GIN1: variants seen among roughly 807,000 people sequenced by gnomAD.
The protein encoded by GIN1 is gypsy retrotransposon integrase 1, also known as gypsy retrotransposon integrase-like protein 1.
A neutral mutation model predicts 51.4 loss-of-function variants in GIN1; 41 were observed. The ratio of observed to expected loss-of-function variants is 0.80; its 90% CI spans 0.62 to 1.04. The LOEUF is 1.04. Among genes scored for constraint, GIN1 ranks in the 50% least tolerant of loss-of-function variants. The pLI, the probability that GIN1 is intolerant of heterozygous loss-of-function variation, is 0.00. For synonymous variants in GIN1, 222 were observed against 206.5 expected, an observed-to-expected ratio of 1.07 and a Z score of -0.64; for missense variants, 610 against 612.4, an observed-to-expected ratio of 1.00 and a Z score of 0.04.
At chr5:103,097,845 A>G (rs1041851391) in intron 4 of GIN1, 64 bp from the exon 5 acceptor site, 2 of 692,378 alleles carry the variant, frequency 2.9e-6, no homozygotes, top group African/African-American at 3.7e-5. Flanking sequence ...CATTGACTTA[A>G]AAAAAAGCTT....
chr5:103,108,462 A>G (rs1395587786), intron 2 of GIN1, 107 bp downstream of exon 2: 1 of 712,648 alleles, frequency 1.4e-6, no homozygotes, highest in Admixed American at 2.6e-5. Flanking sequence ...TTCAACTGGT[A>G]ATTGTTTAGC....
rs375473830 is a variant in GIN1, at chr5:103,113,153, T to G, written c.-7-4439A>C. On this transcript the variant is annotated intron_variant, in intron 1 of 7. Transcript: ENST00000399004. ...TCTCTAATATGGTCCCTGTCCTCAC[T>G]GCAGTCACAGAGGTCACACTAAAAC... Among the ~76,000 whole-genome samples the G allele has an allele frequency of 1.7e-3, 253 of 152,312 alleles. 1 individual carries two copies. The highest frequency in any genetic ancestry group is 5.8e-3 in the African/African-American group (242 of 41,564).
Position 103,105,428 on chromosome 5 carries a change from C to T in GIN1, c.334-582G>A, listed in dbSNP as rs543877963. Among the ~76,000 whole-genome samples the T allele has an allele frequency of 2.8e-4, 43 of 152,264 alleles. 1 individual carries two copies. The South Asian group carries it at 8.9e-3, about 32-fold the overall frequency. On this transcript the variant is annotated intron_variant, in intron 3 of 7. Coordinates refer to ENST00000399004, the MANE Select transcript of GIN1 (RefSeq NM_017676.2). ...CCTATTAAATCAGTATGTAAATTTA[C>T]AATAATTTCTATATACATAAAATGT...
chr5:103,116,333 T>C (rs1336138554), intron 1 of GIN1, among the ~76,000 whole-genome samples: 6 of 152,152 alleles, frequency 3.9e-5, no homozygotes, highest in Non-Finnish European at 5.9e-5. Context: ...CACTCAGTTA[T>C]AGTAAACTGA....
At chr5:103,115,024 ATT>A (rs1787992835) in intron 1 of GIN1, among the ~76,000 whole-genome samples, 1 of 152,180 alleles carries the variant, frequency 6.6e-6, no homozygotes, top group Non-Finnish European at 1.5e-5. Flanking sequence ...CAGAAAGTGG[ATT>A]TAGAAACTTG....
At chr5:103,116,667 A>G (rs1046776559) in intron 1 of GIN1, among the ~76,000 whole-genome samples, 3 of 152,246 alleles carry the variant, frequency 2.0e-5, no homozygotes, top group Middle Eastern at 3.4e-3. Flanking sequence ...ACACTGGGAT[A>G]AAATATCTGC....
At chr5:103,096,430 A>T (rs1450909792) in intron 7 of GIN1, 111 bp downstream of exon 7, 4 of 815,588 alleles carry the variant, frequency 4.9e-6, no homozygotes, top group Non-Finnish European at 7.9e-6. Context: ...AACAAATTTT[A>T]TGAAGAAGGG....
In GIN1 at chr5:103,088,104, T is replaced by C. The variant is rs2151458940; in HGVS notation, c.1363A>G (p.Ile455Val). 6.2e-7 allele frequency: 1 copy of C among 1,608,888 alleles called. No homozygotes were observed. The highest frequency in any genetic ancestry group is 8.5e-7 in the Non-Finnish European group (1 of 1,175,632). Reference sequence around the variant, plus strand: ...AGAATATTTGCTTGATATGCTCCAATCGGAATTTCAGGCAATCCAATGTAG... The same window carrying C: ...AGAATATTTGCTTGATATGCTCCAACCGGAATTTCAGGCAATCCAATGTAG... The part of the protein sequence containing the change: ...HDYIGLPEIP[I>V]GAYQANILVE... The change falls in exon 8 of 8, where the codon ATT becomes GTT. Residue 455 changes from isoleucine (I) to valine (V), a missense_variant. Ile to Val is a conservative substitution (Grantham distance 29). Transcript: ENST00000399004.
Position 103,115,605 on chromosome 5 carries a change from G to T in GIN1, c.-8+4459C>A, listed in dbSNP as rs150398275. ...GAAAAGAGTTCTTGGGATGGATGGTGGTAATAGTTGTAAAACAAATGTGAA... is the reference window on the plus strand; with the variant it reads ...GAAAAGAGTTCTTGGGATGGATGGTTGTAATAGTTGTAAAACAAATGTGAA... On this transcript the variant is annotated intron_variant, in intron 1 of 7. Transcript: ENST00000399004. 7.7e-3 allele frequency among the ~76,000 whole-genome samples: 1,173 copies of T among 152,184 alleles called. 9 individuals are homozygous for T. The highest frequency in any genetic ancestry group is 9.6e-3 in the Non-Finnish European group (654 of 67,952).
chr5:103,118,595 G>A (rs932439167), intron 1 of GIN1, among the ~76,000 whole-genome samples: 5 of 152,132 alleles, frequency 3.3e-5, no homozygotes, highest in African/African-American at 1.2e-4. Context: ...TTCACAAACT[G>A]CTGGTTCTGG....
intron 7 of GIN1, among the ~76,000 whole-genome samples, 198 bp downstream of exon 7, chr5:103,096,343 A>G (rs1554195048): frequency 1.3e-5 from 2 of 152,158 alleles, no homozygotes; most frequent in African/African-American, 4.8e-5. Flanking sequence ...TCTGTCTCAA[A>G]AAAAAAATCT....
chr5:103,090,595 G>A (rs1430073655), intron 7 of GIN1, among the ~76,000 whole-genome samples: 3 of 152,120 alleles, frequency 2.0e-5, no homozygotes, highest in Non-Finnish European at 4.4e-5. Context: ...GTTACCATAG[G>A]CATTTAAGAA....
At chr5:103,095,384 A>G (rs1348003676) in intron 7 of GIN1, among the ~76,000 whole-genome samples, 8 of 152,186 alleles carry the variant, frequency 5.3e-5, no homozygotes, top group Non-Finnish European at 1.0e-4. Context: ...AGGGGCAAAT[A>G]TAACTTGTTT....
Position 103,096,079 on chromosome 5 carries a change from T to C in GIN1, c.1294+462A>G, listed in dbSNP as rs1479216196. ...AAAAATGCCCAGGCACCCTGTTTCA[T>C]GCCTGTAATCCAAGCACTTTGGGAA... On this transcript the variant is annotated intron_variant, in intron 7 of 7. Transcript: ENST00000399004. Among the ~76,000 whole-genome samples the C allele has an allele frequency of 7.2e-5, 11 of 152,162 alleles. 1 individual carries two copies. The highest frequency in any genetic ancestry group is 6.6e-4 in the Admixed American group (10 of 15,264).
rs139566758 is a variant in GIN1, at chr5:103,086,265, G to C, written c.*1633C>G. On this transcript the variant is annotated 3_prime_UTR_variant, in exon 8 of 8. Transcript: ENST00000399004. ...TCAGAACACCAGTAATACTGTATTAGAGCCCACCCTATTGAAATATGATCT... is the reference window on the plus strand; with the variant it reads ...TCAGAACACCAGTAATACTGTATTACAGCCCACCCTATTGAAATATGATCT... 1 of 151,844 alleles carries C rather than the reference G, an allele frequency of 6.6e-6. No individual in the cohort carries two copies. The highest frequency in any genetic ancestry group is 6.6e-5 in the Admixed American group (1 of 15,218). The allele number at this position is 151,844 out of a possible 1,614,324, so 9.4% of individuals were successfully genotyped here.
At chr5:103,118,272 T>C (rs996779256) in intron 1 of GIN1, among the ~76,000 whole-genome samples, 5 of 152,170 alleles carry the variant, frequency 3.3e-5, no homozygotes, top group African/African-American at 9.6e-5. Flanking sequence ...TTAGTATCTA[T>C]GTTTGGAAAA....
In GIN1 at chr5:103,104,581, T is replaced by C; in HGVS notation, c.599A>G (p.Gln200Arg). Residue 200 changes from glutamine to arginine, a missense_variant, in exon 4 of 8, where the codon CAG (glutamine) becomes CGG (arginine). Transcript: ENST00000399004. ...INIFFLYGPP[Q>R]KIIMDQRDEF... is the part of the protein sequence containing the mutation. ...ATCTCTTTGGTCCATTATTATTTTC[T>C]GAGGAGGTCCATATAAGAAAAATAT... 6.4e-7 allele frequency: 1 copy of C among 1,558,376 alleles called. No homozygotes were observed.
chr5:103,118,788 C>T (rs1354888300), intron 1 of GIN1, among the ~76,000 whole-genome samples: 2 of 151,026 alleles, frequency 1.3e-5, no homozygotes, highest in African/African-American at 4.9e-5. Context: ...GAGAAAATGG[C>T]TTGAAACTGT....
At chr5:103,110,902 C>T (rs185164163) in intron 1 of GIN1, among the ~76,000 whole-genome samples, 6 of 152,246 alleles carry the variant, frequency 3.9e-5, no homozygotes, top group East Asian at 1.9e-4. Context: ...AGTTTCATGT[C>T]GCTCCAGGTC....
Sources: gnomAD v4.1 joint callset for allele counts (sites outside exome capture counted in the v4.1 genomes callset) on GRCh38, gnomAD v4.1.1 for gene constraint, MANE v1.5 for transcripts, NCBI Gene and HGNC (gene_info 2026-07-23, HGNC 2026-07-21) for gene names.